RIMBP2: variants seen among roughly 807,000 people sequenced by gnomAD.
RIMBP2 encodes the protein RIMS-binding protein 2.
In RIMBP2, 48 loss-of-function variants were observed where a neutral mutation model predicts 118.6. The ratio of observed to expected loss-of-function variants is 0.40; its 90% confidence interval spans 0.32 to 0.51. RIMBP2 has a LOEUF of 0.51. Among genes scored for constraint, RIMBP2 ranks in the 20% least tolerant of loss-of-function variants. The probability of loss-of-function intolerance (pLI) is 0.41; values close to 1 mark genes in which losing one functional copy is unlikely to be tolerated. For synonymous variants in RIMBP2, 762 were observed against 742.9 expected, an observed-to-expected ratio of 1.03 and a Z score of -0.42; for missense variants, 1,551 against 1,768.3, an observed-to-expected ratio of 0.88 and a Z score of 2.20.
chr12:130,698,339 A>ACCGCT (rs2065674661), intron 1 of RIMBP2, among the ~76,000 whole-genome samples: 1 of 152,168 alleles, frequency 6.6e-6, no homozygotes, highest in African/African-American at 2.4e-5. Flanking sequence ...CGTCCCTGCT[A>ACCGCT]CCGCTCCTAA....
At chr12:130,479,072 C>T (rs778021386) in intron 4 of RIMBP2, 56 bp from the exon 5 acceptor site, 1 of 1,412,700 alleles carries the variant, frequency 7.1e-7, no homozygotes, top group Non-Finnish European at 9.8e-7. Context: ...CATGGGCGTG[C>T]ATCCTATACC....
chr12:130,416,451 C>G (rs7297001), intron 17 of RIMBP2, among the ~76,000 whole-genome samples: 1 of 151,954 alleles, frequency 6.6e-6, no homozygotes, highest in Admixed American at 6.6e-5. Flanking sequence ...TTTGACAAAG[C>G]TGAGAAAAAT....
Position 130,456,792 on chromosome 12 carries a change from T to TAC in RIMBP2, c.154-93_154-92insGT, listed in dbSNP as rs929218159. ...TTCACATGTGTTGTACGTGTGCACA[T>TAC]GTGCACTGTGTGCACGTGTGTACAC... is the stretch of plus-strand genomic sequence containing the variant. On this transcript the variant is annotated intron_variant, in intron 6 of 22. Transcript: ENST00000690449. The TAC allele has an allele frequency of 9.1e-5, 82 of 897,796 alleles. 2 individuals carry two copies. The African/African-American group carries it at 1.3e-3, about 14-fold the overall frequency. 55.6% of individuals were successfully genotyped at this position (897,796 alleles called of 1,614,324 possible). A position where few individuals can be genotyped will look rare whatever the true frequency, so the allele number is the denominator to read the frequency against.
At chr12:130,695,871 G>T (rs1484582316) in intron 1 of RIMBP2, among the ~76,000 whole-genome samples, 1 of 151,938 alleles carries the variant, frequency 6.6e-6, no homozygotes, top group South Asian at 2.1e-4. Flanking sequence ...TTGGATATGG[G>T]CTTGAAGAGG....
In RIMBP2 at chr12:130,697,890, G is replaced by T. The variant is rs74207455; in HGVS notation, c.-352+18332C>A. ...GTGAAGAGACAGTGAGCTCCATTTG[G>T]GATGCACTGAACTTGCAGGAAATGC... On this transcript the variant is annotated intron_variant, in intron 1 of 22. Coordinates refer to ENST00000690449, the MANE Select transcript of RIMBP2 (RefSeq NM_001393629.1). 5.3e-5 allele frequency among the ~76,000 whole-genome samples: 8 copies of T among 152,340 alleles called. No homozygotes were observed. In the East Asian group the frequency reaches 1.5e-3, roughly 29 times the overall value.
At chr12:130,412,051 C>T (rs1336766503) in intron 19 of RIMBP2, among the ~76,000 whole-genome samples, 3 of 151,126 alleles carry the variant, frequency 2.0e-5, no homozygotes, top group African/African-American at 4.9e-5. Context: ...TGTTATTGCA[C>T]GTGGAAAAAA....
At position 130,665,454 on chromosome 12, in the gene RIMBP2, G is replaced by A. The variant is rs2063875771; in HGVS notation, c.-351-36998C>T. 1.3e-5 allele frequency among the ~76,000 whole-genome samples: 2 copies of A among 151,420 alleles called. 1 individual carries two copies. Among genetic ancestry groups the A allele is most frequent in the African/African-American group, 4.9e-5 (2 of 40,736 alleles). On this transcript the variant is annotated intron_variant, in intron 1 of 22. Transcript: ENST00000690449. ...GCAGGAGAATCACTCGAACCCGGGAGGCAGAGGTTGAATTGAGCTGAGATC... is the reference window on the plus strand; with the variant it reads ...GCAGGAGAATCACTCGAACCCGGGAAGCAGAGGTTGAATTGAGCTGAGATC...
intron 9 of RIMBP2, among the ~76,000 whole-genome samples, chr12:130,448,683 G>A (rs1039167938): frequency 1.3e-5 from 2 of 152,246 alleles, no homozygotes; most frequent in Non-Finnish European, 2.9e-5. Flanking sequence ...GCCTCTCAGC[G>A]CTGTGATGCT....
chr12:130,627,677 C>T (rs554939369), intron 2 of RIMBP2, among the ~76,000 whole-genome samples: 3 of 152,302 alleles, frequency 2.0e-5, no homozygotes, highest in South Asian at 2.1e-4. Context: ...ATGCAGCCCA[C>T]GCCAAAAATA....
intron 2 of RIMBP2, among the ~76,000 whole-genome samples, chr12:130,545,821 T>TA (rs2055085989): frequency 6.6e-6 from 1 of 152,242 alleles, no homozygotes; most frequent in African/African-American, 2.4e-5. Context: ...AACGTGTGGG[T>TA]CCCATTTTTC....
At chr12:130,456,731 C>T (rs775771079) in intron 6 of RIMBP2, 31 bp from the exon 7 acceptor site, 131 of 1,552,358 alleles carry the variant, frequency 8.4e-5, no homozygotes, top group Admixed American at 1.6e-4. Context: ...AGGGGGTCAG[C>T]GGTGGCATTT....
At chr12:130,595,570 T>TAAAATA (rs1261349576) in intron 2 of RIMBP2, among the ~76,000 whole-genome samples, 4 of 151,508 alleles carry the variant, frequency 2.6e-5, no homozygotes, top group Non-Finnish European at 5.9e-5. Flanking sequence ...ATAATAATAA[T>TAAAATA]AAAATAAAAA....
chr12:130,586,224 G>A (rs962194210), intron 2 of RIMBP2, among the ~76,000 whole-genome samples: 1 of 152,216 alleles, frequency 6.6e-6, no homozygotes, highest in Non-Finnish European at 1.5e-5. Context: ...GGAGACCAAG[G>A]TGGGTGGATC....
At chr12:130,646,481 A>ACCTCCCTCACCACCTCC in intron 1 of RIMBP2, among the ~76,000 whole-genome samples, 1 of 150,760 alleles carries the variant, frequency 6.6e-6, no homozygotes, top group Non-Finnish European at 1.5e-5. Flanking sequence ...CTCCCTCACT[A>ACCTCCCTCACCACCTCC]CTGCAAAAGG....
chr12:130,489,554 G>T (rs2048430223), intron 4 of RIMBP2, among the ~76,000 whole-genome samples: 1 of 151,958 alleles, frequency 6.6e-6, no homozygotes, highest in African/African-American at 2.4e-5. Context: ...CTCCTGTAGA[G>T]GCTCCGTCTC....
intron 2 of RIMBP2, among the ~76,000 whole-genome samples, chr12:130,615,272 C>CAT (rs1555309104): frequency 7.7e-5 from 3 of 38,806 alleles, no homozygotes; most frequent in Non-Finnish European, 9.2e-5. Flanking sequence ...ACATAATACA[C>CAT]ATACATATAT....
At position 130,469,005 on chromosome 12, in the gene RIMBP2, C is replaced by T. The variant is rs2080768429; in HGVS notation, c.153+1688G>A. On this transcript the variant is annotated intron_variant, in intron 6 of 22. Coordinates refer to ENST00000690449, the MANE Select transcript of RIMBP2 (RefSeq NM_001393629.1). This position sits in a 1 kb window ranked among gnomAD's most constrained non-coding sequence, Gnocchi z 4.8. The stretch of plus-strand genomic sequence containing the variant: ...CTCAGCTCCCCCAGGCTGAGGAACC[C>T]CGACCACCCCCCACCTGCGTCAGAA... 6.6e-6 allele frequency: 1 copy of T among 152,258 alleles called. No homozygotes were observed. The highest frequency in any genetic ancestry group is 2.4e-5 in the African/African-American group (1 of 41,398). The allele number at this position is 152,258 out of a possible 1,614,324, so 9.4% of individuals were successfully genotyped here.
At chr12:130,400,225 C>T (rs533926020) in intron 21 of RIMBP2, among the ~76,000 whole-genome samples, 15 of 152,298 alleles carry the variant, frequency 9.8e-5, no homozygotes, top group African/African-American at 2.9e-4. Flanking sequence ...CACCTTCAGA[C>T]GGTGGGGACC....
At chr12:130,631,600 G>T (rs142111251) in intron 1 of RIMBP2, among the ~76,000 whole-genome samples, 1 of 151,868 alleles carries the variant, frequency 6.6e-6, no homozygotes, top group Non-Finnish European at 1.5e-5. Flanking sequence ...AAAACTGCCC[G>T]CTCAAAGCCC....
Sources: gnomAD v4.1 joint callset for allele counts (sites outside exome capture counted in the v4.1 genomes callset) on GRCh38, gnomAD v4.1.1 for gene constraint, Gnocchi (gnomAD v3.1) non-coding constraint, MANE v1.5 for transcripts, NCBI Gene and HGNC (gene_info 2026-07-23, HGNC 2026-07-21) for gene names.